Variants in ZNF726 observed in about 807,000 individuals in gnomAD.
The protein encoded by ZNF726 is zinc finger protein 92 pseudogene 3.
A neutral mutation model predicts 11.6 loss-of-function variants in ZNF726; 15 were observed. That is an observed-to-expected ratio of 1.29 (90% confidence interval 0.86 to 1.99). The LOEUF (loss-of-function observed/expected upper bound fraction) is 1.99. ZNF726 is among the 30% of genes most tolerant of loss of function. ZNF726 has a pLI of 0.00. For missense variants in ZNF726, 890 were observed against 725.6 expected (o/e 1.23, Z -2.60); for synonymous variants, 295 against 243.6 (o/e 1.21, Z -1.96).
At chr19:23,918,481 T>TTA (rs960754453) in intron 1 of ZNF726, among the ~76,000 whole-genome samples, 1 of 152,188 alleles carries the variant, frequency 6.6e-6, no homozygotes, top group African/African-American at 2.4e-5. Context: ...TCTTGGACTT[T>TTA]CCATAAAAAT....
chr19:23,941,549 A>G (rs1168488509), intron 3 of ZNF726, among the ~76,000 whole-genome samples: 1 of 152,084 alleles, frequency 6.6e-6, no homozygotes, highest in African/African-American at 2.4e-5. Context: ...TGTCAAAAGT[A>G]TTGGTACCAA....
chr19:23,917,550 A>C (rs1026025756), intron 1 of ZNF726, among the ~76,000 whole-genome samples: 3 of 152,068 alleles, frequency 2.0e-5, no homozygotes, highest in African/African-American at 7.2e-5. Flanking sequence ...ACATTTCCCC[A>C]AAAAATGTGG....
intron 3 of ZNF726, among the ~76,000 whole-genome samples, chr19:23,924,469 C>A (rs150895326): frequency 2.6e-5 from 4 of 152,028 alleles, no homozygotes; most frequent in African/African-American, 9.7e-5. Context: ...TGAGATAATT[C>A]TTTTGTGATT....
chr19:23,921,257 CTG>C (rs2144964845), intron 3 of ZNF726: 1 of 152,112 alleles, frequency 6.6e-6, no homozygotes, highest in South Asian at 2.1e-4. Flanking sequence ...GATCATGCCA[CTG>C]TACTTTAGCC....
intron 1 of ZNF726, among the ~76,000 whole-genome samples, chr19:23,916,296 A>T (rs1209704795): frequency 6.6e-6 from 1 of 151,766 alleles, no homozygotes; most frequent in Non-Finnish European, 1.5e-5. Flanking sequence ...CCTTTAGTGT[A>T]CATATTGATA....
At chr19:23,916,893 C>T (rs949194578) in intron 1 of ZNF726, among the ~76,000 whole-genome samples, 4 of 152,016 alleles carry the variant, frequency 2.6e-5, no homozygotes, top group African/African-American at 9.7e-5. Flanking sequence ...TGACTTGACA[C>T]ATGAGTAAAA....
chr19:23,938,611 CTTT>C (rs35605431), downstream of ZNF726, among the ~76,000 whole-genome samples: 14 of 129,384 alleles, frequency 1.1e-4, no homozygotes, highest in Middle Eastern at 4.1e-3. Context: ...TTTTTTTTTC[CTTT>C]TTTTTTTTTT....
chr19:23,924,906 G>A (rs751932581), intron 3 of ZNF726, among the ~76,000 whole-genome samples: 5 of 151,550 alleles, frequency 3.3e-5, no homozygotes, highest in African/African-American at 4.9e-5. Context: ...AAAAAAAAGT[G>A]TATATTTCAG....
At chr19:23,943,198 T>G (rs201170951) in intron 3 of ZNF726, among the ~76,000 whole-genome samples, 2 of 152,322 alleles carry the variant, frequency 1.3e-5, no homozygotes, top group East Asian at 3.9e-4. Context: ...TTTTTGTATA[T>G]TTAGTAGAGA....
At chr19:23,919,575 A>T in intron 2 of ZNF726, 76 bp downstream of exon 2, 3 of 1,460,368 alleles carry the variant, frequency 2.1e-6, no homozygotes, top group Non-Finnish European at 2.7e-6. Flanking sequence ...GTTTTCTGGT[A>T]ATTTATGCTT....
intron 3 of ZNF726, among the ~76,000 whole-genome samples, chr19:23,931,754 T>C (rs1182781907): frequency 6.6e-6 from 1 of 152,228 alleles, no homozygotes; most frequent in Non-Finnish European, 1.5e-5. Flanking sequence ...AGTTTATTCA[T>C]ATTACTTTGT....
At chr19:23,937,630 G>T (rs530316741), downstream of ZNF726, among the ~76,000 whole-genome samples, 1 of 151,238 alleles carries the variant, frequency 6.6e-6, no homozygotes, top group Admixed American at 6.6e-5. Flanking sequence ...ATGGGATGGC[G>T]GCCGGGCAGA....
chr19:23,927,269 A>T (rs887910756), intron 3 of ZNF726, among the ~76,000 whole-genome samples: 5 of 152,176 alleles, frequency 3.3e-5, no homozygotes, highest in African/African-American at 1.2e-4. Context: ...ACCCGGCCAT[A>T]AAAATTATAT....
downstream of ZNF726, among the ~76,000 whole-genome samples, chr19:23,936,754 A>G (rs1422744220): frequency 6.7e-6 from 1 of 149,262 alleles, no homozygotes; most frequent in Non-Finnish European, 1.5e-5. Context: ...ATTTTAATTT[A>G]TTTTTTATTT....
intron 1 of ZNF726, among the ~76,000 whole-genome samples, chr19:23,915,457 C>T (rs1353696148): frequency 6.6e-6 from 1 of 152,152 alleles, no homozygotes; most frequent in Non-Finnish European, 1.5e-5. Flanking sequence ...GAGCACCTTG[C>T]TGTGGTTTCT....
At chr19:23,924,712 A>T in intron 3 of ZNF726, among the ~76,000 whole-genome samples, 1 of 152,028 alleles carries the variant, frequency 6.6e-6, no homozygotes, top group South Asian at 2.1e-4. Flanking sequence ...AAATATGGAG[A>T]CACCCTCTCT....
At position 23,923,603 on chromosome 19, in the gene ZNF726, G is replaced by T. The variant is rs564174498; in HGVS notation, c.226+3521G>T. On this transcript the variant is annotated intron_variant, in intron 3 of 3. Transcript: ENST00000594466. Reference sequence around the variant, plus strand: ...TTTTTTGTATTTTTAGTAGAAACGGGGTTTCACCGTGCTCTCGATCTCCTG... The same window carrying T: ...TTTTTTGTATTTTTAGTAGAAACGGTGTTTCACCGTGCTCTCGATCTCCTG... 7 of 183,768 alleles carry T rather than the reference G, an allele frequency of 3.8e-5. No individual in the cohort carries two copies. In the East Asian group the frequency reaches 1.2e-3, roughly 33 times the overall value. The allele number at this position is 183,768 out of a possible 1,614,324, so 11.4% of individuals were successfully genotyped here.
chr19:23,919,619 TTGTC>T, intron 2 of ZNF726, 120 bp downstream of exon 2: 2 of 1,306,670 alleles, frequency 1.5e-6, no homozygotes, highest in Non-Finnish European at 2.0e-6. Flanking sequence ...TCCTGGGGAT[TTGTC>T]TGTTTAGAAA....
At position 23,932,966 on chromosome 19, in the gene ZNF726, C is replaced by A. The variant is rs1968144692; in HGVS notation, c.850C>A (p.Pro284Thr). ...TAAGAGGATACATACTGGAGAGAAA[C>A]CCTGCAAATGTGAAGAATGTGGCAA... ...IHKRIHTGEKPCKCEECGKAF... is the reference protein window; with the variant it reads ...IHKRIHTGEKTCKCEECGKAF... The change falls in exon 4 of 4, where the codon CCC becomes ACC. Residue 284 changes from proline (P) to threonine (T), a missense_variant. By Grantham distance (38) the Pro-to-Thr change is conservative (BLOSUM62 -1). Coordinates refer to ENST00000594466, the MANE Select transcript of ZNF726 (RefSeq NM_001244038.2). The A allele has an allele frequency of 6.2e-7, 1 of 1,612,194 alleles. No individual in the cohort carries two copies. The highest frequency in any genetic ancestry group is 8.5e-7 in the Non-Finnish European group (1 of 1,179,764).
Sources: allele counts gnomAD v4.1 joint callset (sites outside exome capture counted in the v4.1 genomes callset), GRCh38; gene constraint gnomAD v4.1.1; transcripts MANE v1.5; gene names NCBI Gene and HGNC (gene_info 2026-07-23, HGNC 2026-07-21).